DYM: variants seen among roughly 807,000 people sequenced by gnomAD.
DYM encodes the protein dyggve-Melchior-Clausen syndrome protein.
A neutral mutation model predicts 93.1 loss-of-function variants in DYM; 78 were observed. That is an observed-to-expected ratio of 0.84 (90% CI 0.70 to 1.01). DYM has a LOEUF of 1.01. Ranked by LOEUF, DYM falls within the 50% of genes least tolerant of loss-of-function variation. The pLI, the probability that DYM is intolerant of heterozygous loss-of-function variation, is 0.00. For synonymous variants in DYM, 321 were observed against 319.7 expected (o/e 1.00, Z -0.04); for missense variants, 789 against 845.0 (o/e 0.93, Z 0.82).
At chr18:49,079,737 A>G (rs919260442) in intron 17 of DYM, among the ~76,000 whole-genome samples, 2 of 151,864 alleles carry the variant, frequency 1.3e-5, no homozygotes. Flanking sequence ...TCACCGATCA[A>G]CAGGATCCCA....
intron 16 of DYM, among the ~76,000 whole-genome samples, chr18:49,106,551 T>C (rs2080834060): frequency 6.6e-6 from 1 of 152,214 alleles, no homozygotes; most frequent in Non-Finnish European, 1.5e-5. Flanking sequence ...TACCGGTTGT[T>C]CCTTTCTATG....
chr18:49,241,247 A>C (rs1266318108), intron 13 of DYM, among the ~76,000 whole-genome samples: 1 of 152,204 alleles, frequency 6.6e-6, no homozygotes, highest in East Asian at 1.9e-4. Context: ...TGCAGGTATA[A>C]GGTAGATGAT....
chr18:49,096,830 A>G (rs2079590291), intron 17 of DYM, among the ~76,000 whole-genome samples: 1 of 152,198 alleles, frequency 6.6e-6, no homozygotes, highest in Non-Finnish European at 1.5e-5. Context: ...CAGTGCAGCA[A>G]TTATGAATGT....
At chr18:49,439,817 C>G (rs1257346273) in intron 1 of DYM, among the ~76,000 whole-genome samples, 1 of 151,822 alleles carries the variant, frequency 6.6e-6, no homozygotes, top group Non-Finnish European at 1.5e-5. Flanking sequence ...GCCTTGACAA[C>G]AAAGCAAAAC....
At chr18:49,274,834 CCTT>C (rs2094810298) in intron 10 of DYM, among the ~76,000 whole-genome samples, 1 of 151,954 alleles carries the variant, frequency 6.6e-6, no homozygotes, top group Non-Finnish European at 1.5e-5. Flanking sequence ...ATTGGGTTGT[CCTT>C]CTACTATTGG....
At chr18:49,322,808 T>C (rs916866473) in intron 8 of DYM, among the ~76,000 whole-genome samples, 1 of 152,182 alleles carries the variant, frequency 6.6e-6, no homozygotes, top group Admixed American at 6.5e-5. Flanking sequence ...TGACCATTTA[T>C]TGTATACTTC....
At chr18:49,154,905 A>T (rs1265566774) in intron 15 of DYM, among the ~76,000 whole-genome samples, 1 of 152,184 alleles carries the variant, frequency 6.6e-6, no homozygotes, top group African/African-American at 2.4e-5. Context: ...ATTATTGAAA[A>T]ATTTAATGCA....
intron 1 of DYM, among the ~76,000 whole-genome samples, chr18:49,435,750 T>C (rs563225676): frequency 2.0e-5 from 3 of 152,086 alleles, no homozygotes; most frequent in Admixed American, 2.0e-4. Context: ...GATCGTGCCA[T>C]TGCACTCCAG....
At chr18:49,118,006 T>C (rs1057017259) in intron 16 of DYM, among the ~76,000 whole-genome samples, 2 of 138,460 alleles carry the variant, frequency 1.4e-5, no homozygotes, top group Non-Finnish European at 3.1e-5. Flanking sequence ...CTTTTTTTTT[T>C]TTTTTTTTTT....
chr18:49,317,013 C>T (rs2061986779), intron 8 of DYM, among the ~76,000 whole-genome samples: 1 of 152,156 alleles, frequency 6.6e-6, no homozygotes, highest in Admixed American at 6.5e-5. Flanking sequence ...TGTCTAAACC[C>T]TGAGTACTGT....
At chr18:49,399,944 T>TC (rs2070603609) in intron 2 of DYM, among the ~76,000 whole-genome samples, 1 of 132,876 alleles carries the variant, frequency 7.5e-6, no homozygotes, top group Non-Finnish European at 1.6e-5. Flanking sequence ...CTTTTTTTTT[T>TC]TTTTTTTTTT....
At chr18:49,441,807 A>T (rs2081654475) in intron 1 of DYM, among the ~76,000 whole-genome samples, 1 of 152,086 alleles carries the variant, frequency 6.6e-6, no homozygotes, top group South Asian at 2.1e-4. Context: ...GCACTGGGGA[A>T]GACGGGGCAA....
chr18:49,197,410 T>A (rs1410898512), intron 14 of DYM, among the ~76,000 whole-genome samples: 1 of 151,382 alleles, frequency 6.6e-6, no homozygotes, highest in Non-Finnish European at 1.5e-5. Flanking sequence ...CAAAAGAGGG[T>A]GGGGCTGTAC....
intron 2 of DYM, among the ~76,000 whole-genome samples, chr18:49,417,060 G>A (rs989025378): frequency 2.0e-5 from 3 of 152,090 alleles, no homozygotes; most frequent in African/African-American, 7.2e-5. Flanking sequence ...ACACAAACTG[G>A]AAGCATTACT....
chr18:49,329,434 A>T (rs921134724), intron 8 of DYM: 2 of 152,216 alleles, frequency 1.3e-5, no homozygotes, highest in African/African-American at 4.8e-5. Context: ...AGTATAATTT[A>T]AAAAAAGAAG....
chr18:49,425,153 G>A (rs369642085), intron 2 of DYM, among the ~76,000 whole-genome samples: 1 of 152,076 alleles, frequency 6.6e-6, no homozygotes, highest in Non-Finnish European at 1.5e-5. Context: ...ATACTACAAG[G>A]CTACAGTAAC....
At chr18:49,356,604 A>C (rs1282840869) in intron 6 of DYM, among the ~76,000 whole-genome samples, 1 of 152,170 alleles carries the variant, frequency 6.6e-6, no homozygotes, top group African/African-American at 2.4e-5. Flanking sequence ...GCATTTTCCC[A>C]ATAGCTAGGC....
intron 17 of DYM, among the ~76,000 whole-genome samples, chr18:49,072,009 C>T (rs543325940): frequency 1.6e-4 from 24 of 152,356 alleles, no homozygotes; most frequent in African/African-American, 5.3e-4. Flanking sequence ...GCACACTGCA[C>T]TCAACAGACT....
intron 17 of DYM, among the ~76,000 whole-genome samples, chr18:49,079,296 C>T (rs1387704494): frequency 6.6e-6 from 1 of 152,060 alleles, no homozygotes; most frequent in Non-Finnish European, 1.5e-5. Flanking sequence ...AACTTGATTG[C>T]TGTGTGCAGA....
Sources: allele counts gnomAD v4.1 joint callset (sites outside exome capture counted in the v4.1 genomes callset), GRCh38; gene constraint gnomAD v4.1.1; transcripts MANE v1.5; gene names NCBI Gene and HGNC (gene_info 2026-07-23, HGNC 2026-07-21).